The following VPS13A variants were observed in gnomAD, a reference collection of about 807,000 sequenced individuals.
VPS13A encodes vacuolar protein sorting 13 homolog A, also known as intermembrane lipid transfer protein VPS13A.
A neutral mutation model predicts 390.9 loss-of-function variants in VPS13A; 264 were observed. The ratio of observed to expected loss-of-function variants is 0.68; its 90% confidence interval spans 0.61 to 0.75. The LOEUF (loss-of-function observed/expected upper bound fraction) is 0.75, where lower values mean the gene tolerates loss of function less well. Among genes scored for constraint, VPS13A ranks in the 30% least tolerant of loss-of-function variants. VPS13A has a pLI of 0.00. For synonymous variants in VPS13A, 1,231 were observed against 1,227.1 expected, an observed-to-expected ratio of 1.00 and a Z score of -0.07; for missense variants, 3,409 against 3,733.9, an observed-to-expected ratio of 0.91 and a Z score of 2.27.
chr9:77,371,287 T>C (rs1832733922), intron 67 of VPS13A, 138 bp downstream of exon 67: 1 of 1,264,744 alleles, frequency 7.9e-7, no homozygotes, highest in Non-Finnish European at 1.1e-6. Context: ...TACCACAGAC[T>C]GGGTAATTTA....
intron 24 of VPS13A, 108 bp downstream of exon 24, chr9:77,273,472 C>CT: frequency 2.2e-6 from 2 of 912,740 alleles, no homozygotes; most frequent in Non-Finnish European, 3.3e-6. Flanking sequence ...ATATCTTTTC[C>CT]TTTTAAAATC....
At chr9:77,353,377 G>GTTTTT in intron 53 of VPS13A, 32 bp from the exon 54 acceptor site, 11 of 1,275,960 alleles carry the variant, frequency 8.6e-6, no homozygotes, top group South Asian at 4.2e-5. Flanking sequence ...TAATTTTTTG[G>GTTTTT]TTTTTTTTTT....
chr9:77,282,032 A>T (rs1465840345), intron 28 of VPS13A, 89 bp from the exon 29 acceptor site: 2 of 1,412,860 alleles, frequency 1.4e-6, no homozygotes, highest in African/African-American at 2.9e-5. Flanking sequence ...TATAAATTAT[A>T]TCCTTTATGC....
At chr9:77,197,876 A>G (rs1043628668) in intron 1 of VPS13A, among the ~76,000 whole-genome samples, 1 of 152,224 alleles carries the variant, frequency 6.6e-6, no homozygotes, top group Non-Finnish European at 1.5e-5. Flanking sequence ...GTTTGGCATC[A>G]TCGTTATTCT....
chr9:77,314,220 G>A, intron 36 of VPS13A, 101 bp downstream of exon 36: 3 of 1,304,232 alleles, frequency 2.3e-6, no homozygotes, highest in Non-Finnish European at 3.2e-6. Context: ...TTATTTTGTA[G>A]TATCTGTCCC....
intron 50 of VPS13A, among the ~76,000 whole-genome samples, chr9:77,343,520 T>G (rs974473754): frequency 5.3e-5 from 8 of 152,208 alleles, no homozygotes; most frequent in Non-Finnish European, 1.0e-4. Flanking sequence ...CTTCATTCTT[T>G]TTCTTTTAGC....
At chr9:77,261,576 CA>C (rs201037030) in intron 23 of VPS13A, among the ~76,000 whole-genome samples, 1,753 of 141,848 alleles carry the variant, frequency 0.012, 29 homozygotes, top group African/African-American at 0.039. Flanking sequence ...ATTATTTTGC[CA>C]AAAAAAAAAA....
intron 67 of VPS13A, among the ~76,000 whole-genome samples, chr9:77,372,358 A>G (rs1413186884): frequency 1.3e-5 from 2 of 152,064 alleles, no homozygotes; most frequent in Non-Finnish European, 2.9e-5. Context: ...CTGGTGTGAG[A>G]TGGTATCTCA....
chr9:77,395,994 T>G (rs1266937625), intron 68 of VPS13A: 1 of 152,214 alleles, frequency 6.6e-6, no homozygotes, highest in African/African-American at 2.4e-5. Context: ...GAAATGTTAC[T>G]GCTGCTTTCA....
chr9:77,209,484 A>C lies in VPS13A; in HGVS notation c.447A>C (p.Lys149Asn). The C allele has an allele frequency of 6.2e-7, 1 of 1,612,382 alleles. No homozygotes were observed. Among genetic ancestry groups the C allele is most frequent in the Non-Finnish European group, 8.5e-7 (1 of 1,179,048 alleles). The change falls in exon 6 of 72, where the codon AAA becomes AAC. Residue 149 changes from lysine to asparagine, a missense_variant. By Grantham distance (94) the Lys-to-Asn change is moderately conservative. Transcript: ENST00000360280. ...FAEKLVTQII[K>N]NLQVKISSIH... ...AAAAATTAGTTACACAGATCATAAA[A>C]AATCTTCAGGTGAAAATTTCCAGTA...
chr9:77,359,719 G>A (rs1193727337), intron 58 of VPS13A, among the ~76,000 whole-genome samples: 1 of 151,450 alleles, frequency 6.6e-6, no homozygotes, highest in East Asian at 2.0e-4. Context: ...TCAGGAGGCT[G>A]AGGCACGAGA....
At chr9:77,321,385 G>T (rs998946771) in intron 43 of VPS13A, 58 bp downstream of exon 43, 9 of 1,581,034 alleles carry the variant, frequency 5.7e-6, no homozygotes, top group African/African-American at 1.3e-5. Flanking sequence ...TGATCTGTCT[G>T]TTGAATAAGA....
intron 11 of VPS13A, 95 bp downstream of exon 11, chr9:77,220,176 A>G: frequency 6.6e-7 from 1 of 1,513,394 alleles, no homozygotes; most frequent in Non-Finnish European, 9.0e-7. Flanking sequence ...ATGATGTTAT[A>G]TGGTAGCATT....
At chr9:77,287,121 A>G (rs1241736335) in intron 31 of VPS13A, among the ~76,000 whole-genome samples, 2 of 148,736 alleles carry the variant, frequency 1.3e-5, no homozygotes, top group African/African-American at 4.9e-5. Flanking sequence ...CAATTTATAC[A>G]TTAATATATA....
intron 31 of VPS13A, 123 bp from the exon 32 acceptor site, chr9:77,293,218 T>C: frequency 2.3e-6 from 2 of 856,234 alleles, no homozygotes; most frequent in Non-Finnish European, 3.7e-6. Flanking sequence ...TCATTTGTAC[T>C]TGGCTTGTGA....
chr9:77,209,158 G>A (rs1240232337), intron 5 of VPS13A, among the ~76,000 whole-genome samples: 1 of 151,950 alleles, frequency 6.6e-6, no homozygotes, highest in African/African-American at 2.4e-5. Flanking sequence ...ATATATTTTT[G>A]TACTCAGGCA....
chr9:77,386,256 G>A (rs1833677091), intron 68 of VPS13A, among the ~76,000 whole-genome samples: 1 of 152,162 alleles, frequency 6.6e-6, no homozygotes, highest in Non-Finnish European at 1.5e-5. Flanking sequence ...CTAAAATCTA[G>A]AAAGAATACT....
chr9:77,416,401 CTT>C lies in VPS13A; in HGVS notation c.*396_*397del. 2 of 199,380 alleles carry C rather than the reference CTT, an allele frequency of 1.0e-5. No homozygotes were observed. Among genetic ancestry groups the C allele is most frequent in the East Asian group, 1.3e-4 (1 of 7,416 alleles). 12.4% of individuals were successfully genotyped at this position (199,380 alleles called of 1,614,324 possible). On this transcript the variant is annotated 3_prime_UTR_variant, in exon 72 of 72. Coordinates refer to ENST00000360280, the MANE Select transcript of VPS13A (RefSeq NM_033305.3). ...TAATGTTTCTAGTTCACATTTTGTACTTCTGTCATGCTTATTTCAAACTCCCT... is the reference window on the plus strand; with the variant it reads ...TAATGTTTCTAGTTCACATTTTGTACCTGTCATGCTTATTTCAAACTCCCT...
At chr9:77,198,152 A>T (rs55760280) in intron 1 of VPS13A, among the ~76,000 whole-genome samples, 8,187 of 150,052 alleles carry the variant, frequency 0.055, 324 homozygotes, top group South Asian at 0.12. Context: ...GTATTTATTT[A>T]TTTTTTTTTT....
Sources: allele counts gnomAD v4.1 joint callset (sites outside exome capture counted in the v4.1 genomes callset), GRCh38; gene constraint gnomAD v4.1.1; transcripts MANE v1.5; gene names NCBI Gene and HGNC (gene_info 2026-07-23, HGNC 2026-07-21).